GRID1: variants seen among roughly 807,000 people sequenced by gnomAD.
GRID1 encodes the protein glutamate ionotropic receptor delta type subunit 1.
In GRID1, 28 loss-of-function variants were observed where a neutral mutation model predicts 98.0. That is an observed-to-expected ratio of 0.29 (90% confidence interval 0.21 to 0.39). The LOEUF (loss-of-function observed/expected upper bound fraction) is 0.39, where lower values mean the gene tolerates loss of function less well. Ranked by LOEUF, GRID1 falls within the 10% of genes least tolerant of loss-of-function variation. The probability of loss-of-function intolerance (pLI) is 1.00; values close to 1 mark genes in which losing one functional copy is unlikely to be tolerated. For synonymous variants in GRID1, 553 were observed against 538.5 expected, an observed-to-expected ratio of 1.03 and a Z score of -0.37; for missense variants, 1,111 against 1,340.5, an observed-to-expected ratio of 0.83 and a Z score of 2.67.
intron 10 of GRID1, among the ~76,000 whole-genome samples, chr10:85,726,538 G>T (rs1184943079): frequency 6.6e-6 from 1 of 152,156 alleles, no homozygotes; most frequent in Admixed American, 6.5e-5. Context: ...AACAGAGGGA[G>T]TCACAAGGGA....
rs539342175 is a variant in GRID1 at position 86,115,232 on chromosome 10, G to C, written c.726+23587C>G. On this transcript the variant is annotated intron_variant, in intron 4 of 15. Coordinates refer to ENST00000327946, the MANE Select transcript of GRID1 (RefSeq NM_017551.3). ...ACATTCTTCAAAGAACACCAGTAAA[G>C]GATTGCTTTGCATGCCACTACTTTC... 2.6e-3 allele frequency among the ~76,000 whole-genome samples: 400 copies of C among 152,296 alleles called. 2 individuals are homozygous for C. The highest frequency in any genetic ancestry group is 4.3e-3 in the Non-Finnish European group (293 of 68,024).
chr10:86,177,142 C>A (rs1164033598), intron 3 of GRID1, among the ~76,000 whole-genome samples: 7 of 151,872 alleles, frequency 4.6e-5, no homozygotes, highest in African/African-American at 1.7e-4. Context: ...GATGAACACA[C>A]CCTCCAGGAA....
chr10:86,321,109 AAAG>A (rs1847964917), intron 2 of GRID1, among the ~76,000 whole-genome samples: 1 of 88,458 alleles, frequency 1.1e-5, no homozygotes, highest in African/African-American at 2.9e-5. Context: ...CAAAAAAAAA[AAAG>A]AAAAAAAGCA....
At chr10:86,261,875 G>A (rs1315482223) in intron 2 of GRID1, among the ~76,000 whole-genome samples, 1 of 152,222 alleles carries the variant, frequency 6.6e-6, no homozygotes, top group Non-Finnish European at 1.5e-5. Context: ...TTGTATCTCA[G>A]AGCCTGGCAC....
intron 4 of GRID1, among the ~76,000 whole-genome samples, chr10:86,115,734 ACAGGGCCAGCCCCATCC>A (rs1844566437): frequency 6.6e-6 from 1 of 152,218 alleles, no homozygotes; most frequent in Admixed American, 6.5e-5. Flanking sequence ...ACCCCAGCAC[ACAGGGCCAGCCCCATCC>A]CAGCTGCTCC....
intron 6 of GRID1, among the ~76,000 whole-genome samples, chr10:85,867,186 C>T (rs979838556): frequency 1.3e-5 from 2 of 152,216 alleles, no homozygotes; most frequent in Non-Finnish European, 2.9e-5. Flanking sequence ...CAAAAGGGGG[C>T]ATCACAGGCC....
At chr10:86,124,787 A>G (rs1183602044) in intron 4 of GRID1, among the ~76,000 whole-genome samples, 1 of 152,222 alleles carries the variant, frequency 6.6e-6, no homozygotes, top group East Asian at 1.9e-4. Flanking sequence ...CAGACAAATG[A>G]AACCCAGAAA....
chr10:86,346,061 G>A (rs1273262437), intron 2 of GRID1, among the ~76,000 whole-genome samples: 3 of 152,182 alleles, frequency 2.0e-5, no homozygotes, highest in Non-Finnish European at 4.4e-5. Context: ...CACACCCCTG[G>A]GCAGGCTTCA....
At chr10:85,883,876 T>C (rs1455964510) in intron 5 of GRID1, among the ~76,000 whole-genome samples, 1 of 152,220 alleles carries the variant, frequency 6.6e-6, no homozygotes, top group Non-Finnish European at 1.5e-5. Context: ...ACATTTTCCT[T>C]GCCATCTCCT....
In GRID1 at chr10:85,992,347, C is replaced by T. The variant is rs1278872824; in HGVS notation, c.727-76108G>A. Among the ~76,000 whole-genome samples, 4 of 152,138 alleles carry T rather than the reference C, an allele frequency of 2.6e-5. No homozygotes were observed. The East Asian group carries it at 7.7e-4, about 29-fold the overall frequency. On this transcript the variant is annotated intron_variant, in intron 4 of 15. Transcript: ENST00000327946. ...TGCAAAAGAGGATGGTCAGGCTTAG[C>T]TCATGTGGGAGTTTTGCCTGGTGAA...
chr10:85,878,103 A>T (rs866763526), intron 5 of GRID1, among the ~76,000 whole-genome samples: 2 of 152,226 alleles, frequency 1.3e-5, no homozygotes, highest in African/African-American at 4.8e-5. Flanking sequence ...AAAACCTCCA[A>T]GAAATATGGG....
At chr10:85,714,862 A>G (rs996960138) in intron 12 of GRID1, among the ~76,000 whole-genome samples, 3 of 152,108 alleles carry the variant, frequency 2.0e-5, no homozygotes, top group African/African-American at 4.8e-5. Context: ...CAAAATACCA[A>G]TGACATTCTT....
At chr10:85,741,692 A>G (rs1020010716) in intron 8 of GRID1, among the ~76,000 whole-genome samples, 17 of 151,640 alleles carry the variant, frequency 1.1e-4, no homozygotes, top group African/African-American at 3.9e-4. Context: ...GCTTTATTTC[A>G]TTCTTCTCAA....
chr10:86,257,271 C>T (rs1359015788), intron 2 of GRID1, among the ~76,000 whole-genome samples: 1 of 152,130 alleles, frequency 6.6e-6, no homozygotes, highest in Non-Finnish European at 1.5e-5. Flanking sequence ...TAGTGATAGG[C>T]CTTAGGGCTC....
rs1192704938 is a variant in GRID1, at chr10:85,865,940, T to TAC, written c.951+3069_951+3070insGT. On this transcript the variant is annotated intron_variant, in intron 6 of 15. Coordinates refer to ENST00000327946, the MANE Select transcript of GRID1 (RefSeq NM_017551.3). The stretch of plus-strand genomic sequence containing the variant: ...ATATATATATATATATATATATATA[T>TAC]ATACACATATATATGGAGAGAGAGA... 8.7e-4 allele frequency among the ~76,000 whole-genome samples: 89 copies of TAC among 101,886 alleles called. 1 individual carries two copies. The highest frequency in any genetic ancestry group is 1.4e-3 in the Non-Finnish European group (73 of 53,228). The allele number at this position is 101,886 out of a possible 152,430, so 66.8% of individuals were successfully genotyped here.
At chr10:85,889,047 T>C (rs1362899499) in intron 5 of GRID1, among the ~76,000 whole-genome samples, 1 of 152,234 alleles carries the variant, frequency 6.6e-6, no homozygotes, top group East Asian at 1.9e-4. Context: ...GCATCTGAAA[T>C]GTAAACTTCT....
intron 4 of GRID1, among the ~76,000 whole-genome samples, chr10:86,013,863 TAGTTA>T (rs570274767): frequency 3.9e-5 from 6 of 152,268 alleles, no homozygotes; most frequent in Non-Finnish European, 8.8e-5. Context: ...CTGCAAAACT[TAGTTA>T]AGTTTTGTGG....
At chr10:85,643,084 A>G (rs1211349244) in intron 13 of GRID1, among the ~76,000 whole-genome samples, 3 of 152,192 alleles carry the variant, frequency 2.0e-5, no homozygotes, top group African/African-American at 7.2e-5. Context: ...TCCCAAGGAG[A>G]AAATAACAGC....
chr10:85,916,890 A>G lies in GRID1; in HGVS notation c.727-651T>C, dbSNP rs1044438188. ...TCTTATTGTCTGTCTCCTCTGCTAGAATATTTCTTATTGTCTATCTCCTCT... is the reference window on the plus strand; with the variant it reads ...TCTTATTGTCTGTCTCCTCTGCTAGGATATTTCTTATTGTCTATCTCCTCT... On this transcript the variant is annotated intron_variant, in intron 4 of 15. Transcript: ENST00000327946. The surrounding 1 kb of genome is among the most constrained non-coding windows in gnomAD (Gnocchi z 4.0). 6.6e-6 allele frequency among the ~76,000 whole-genome samples: 1 copy of G among 152,138 alleles called. No homozygotes were observed. The highest frequency in any genetic ancestry group is 1.5e-5 in the Non-Finnish European group (1 of 68,024).
Sources: allele counts gnomAD v4.1 joint callset (sites outside exome capture counted in the v4.1 genomes callset), GRCh38; gene constraint gnomAD v4.1.1; non-coding constraint Gnocchi (gnomAD v3.1); transcripts MANE v1.5; gene names NCBI Gene and HGNC (gene_info 2026-07-23, HGNC 2026-07-21).